The following IL1RAPL2 variants were observed in gnomAD, a reference collection of about 807,000 sequenced individuals.
IL1RAPL2 encodes the protein interleukin 1 receptor accessory protein like 2.
IL1RAPL2 carries 3 observed loss-of-function variants against 44.1 expected under a neutral mutation model. The observed-to-expected ratio is 0.07, with a 90% CI of 0.03 to 0.18. IL1RAPL2 has a LOEUF of 0.18. Ranked by LOEUF, IL1RAPL2 falls within the 10% of genes least tolerant of loss-of-function variation. IL1RAPL2 has a pLI of 1.00. For missense variants in IL1RAPL2, 391 were observed against 496.4 expected (o/e 0.79, Z 2.02); for synonymous variants, 181 against 178.8 (o/e 1.01, Z -0.10).
chrX:105,000,450 G>A (rs925278591), intron 2 of IL1RAPL2, among the ~76,000 whole-genome samples: 1 of 111,117 alleles, frequency 9.0e-6, no homozygotes, highest in Non-Finnish European at 1.9e-5. Flanking sequence ...CCTCTGCTAA[G>A]ATGATATGGA....
intron 2 of IL1RAPL2, among the ~76,000 whole-genome samples, chrX:104,796,497 T>C (rs185532244): frequency 8.9e-6 from 1 of 111,999 alleles, no homozygotes; most frequent in Admixed American, 9.4e-5. Context: ...AAAACAAACA[T>C]TCATGGGCTG....
At chrX:105,016,250 T>C (rs1454002727) in intron 2 of IL1RAPL2, among the ~76,000 whole-genome samples, 4 of 111,649 alleles carry the variant, frequency 3.6e-5, no homozygotes, top group Non-Finnish European at 7.5e-5. Flanking sequence ...GCAATCATGT[T>C]ATCTGGAAAC....
At chrX:105,033,324 G>T (rs957259775) in intron 2 of IL1RAPL2, among the ~76,000 whole-genome samples, 1 of 111,634 alleles carries the variant, frequency 9.0e-6, no homozygotes. Flanking sequence ...AGCCTTGATG[G>T]TCTTTACATT....
At chrX:105,444,021 G>A (rs2035938489) in intron 5 of IL1RAPL2, among the ~76,000 whole-genome samples, 1 of 111,904 alleles carries the variant, frequency 8.9e-6, no homozygotes, top group South Asian at 3.7e-4. Context: ...CCTGTCTTTT[G>A]GATGAAAGCC....
At chrX:105,295,246 G>A (rs1187207332) in intron 5 of IL1RAPL2, among the ~76,000 whole-genome samples, 7 of 111,562 alleles carry the variant, frequency 6.3e-5, no homozygotes, top group African/African-American at 2.3e-4. Context: ...GTAACATATG[G>A]AAAATGTTTG....
At chrX:105,256,675 A>G (rs777305208) in intron 4 of IL1RAPL2, among the ~76,000 whole-genome samples, 5 of 111,169 alleles carry the variant, frequency 4.5e-5, no homozygotes, top group Middle Eastern at 9.2e-3. Flanking sequence ...CAGGGATTCA[A>G]TTTCTTCCTG....
At chrX:104,910,335 C>G (rs1489557634) in intron 2 of IL1RAPL2, among the ~76,000 whole-genome samples, 2 of 112,309 alleles carry the variant, frequency 1.8e-5, no homozygotes, top group African/African-American at 6.5e-5. Flanking sequence ...GTGCTGGGAA[C>G]TGTAGACTGG....
chrX:105,082,021 T>C (rs2032415448), intron 2 of IL1RAPL2, among the ~76,000 whole-genome samples: 1 of 112,030 alleles, frequency 8.9e-6, no homozygotes, highest in Admixed American at 9.5e-5. Context: ...CCTCTTTTTC[T>C]ATTTGTTGGA....
chrX:104,740,730 T>A (rs1296340360), intron 2 of IL1RAPL2, among the ~76,000 whole-genome samples: 5 of 111,793 alleles, frequency 4.5e-5, no homozygotes, highest in South Asian at 3.7e-4. Context: ...TGATTTTTTT[T>A]ATATAAAATA....
At chrX:104,886,660 C>A (rs1320933997) in intron 2 of IL1RAPL2, among the ~76,000 whole-genome samples, 3 of 112,163 alleles carry the variant, frequency 2.7e-5, no homozygotes, top group Non-Finnish European at 5.6e-5. Context: ...CCAGAGGAAG[C>A]AGAATGGTTC....
chrX:105,373,086 A>AGT (rs1478720915), intron 5 of IL1RAPL2, among the ~76,000 whole-genome samples: 1 of 112,769 alleles, frequency 8.9e-6, no homozygotes, highest in Non-Finnish European at 1.9e-5. Flanking sequence ...TCTTTGAGTA[A>AGT]GTGTCACACT....
At chrX:105,044,829 C>G (rs1365687262) in intron 2 of IL1RAPL2, among the ~76,000 whole-genome samples, 6 of 110,883 alleles carry the variant, frequency 5.4e-5, no homozygotes, top group Non-Finnish European at 1.1e-4. Flanking sequence ...AACAGTAGGC[C>G]CAGCTGAGGA....
chrX:104,661,662 G>C (rs1930402977), intron 2 of IL1RAPL2, among the ~76,000 whole-genome samples: 3 of 108,003 alleles, frequency 2.8e-5, no homozygotes, highest in South Asian at 8.1e-4. Flanking sequence ...CATTATCATA[G>C]TGCTATTTGA....
At chrX:104,959,240 C>T (rs1300462772) in intron 2 of IL1RAPL2, among the ~76,000 whole-genome samples, 1 of 111,440 alleles carries the variant, frequency 9.0e-6, no homozygotes, top group Admixed American at 9.6e-5. Context: ...GATGCCCATT[C>T]GTGTTAGCCT....
chrX:104,902,024 A>AT (rs1923832355), intron 2 of IL1RAPL2, among the ~76,000 whole-genome samples: 1 of 111,719 alleles, frequency 9.0e-6, no homozygotes, highest in Non-Finnish European at 1.9e-5. Context: ...ATTCCTTTTT[A>AT]TTTTTTGTTT....
At chrX:105,634,765 C>A in intron 6 of IL1RAPL2, among the ~76,000 whole-genome samples, 1 of 111,093 alleles carries the variant, frequency 9.0e-6, no homozygotes, top group Non-Finnish European at 1.9e-5. Flanking sequence ...ATAGTAGTAA[C>A]AACAACAGTA....
intron 2 of IL1RAPL2, among the ~76,000 whole-genome samples, chrX:105,164,861 C>T (rs1355521922): frequency 8.9e-6 from 1 of 112,091 alleles, no homozygotes; most frequent in Non-Finnish European, 1.9e-5. Context: ...AGAGATTAAA[C>T]ACGTCATTTT....
intron 2 of IL1RAPL2, among the ~76,000 whole-genome samples, chrX:104,882,241 T>C (rs982299502): frequency 8.9e-6 from 1 of 112,239 alleles, no homozygotes; most frequent in Admixed American, 9.4e-5. Flanking sequence ...TTTAAAGCCT[T>C]TTAAGAAGAA....
At chrX:105,209,065 A>G (rs1376735753) in intron 3 of IL1RAPL2, among the ~76,000 whole-genome samples, 1 of 111,818 alleles carries the variant, frequency 8.9e-6, no homozygotes, top group Non-Finnish European at 1.9e-5. Flanking sequence ...CAGGAAGGCA[A>G]TTTTACGAGG....
Sources: gnomAD v4.1 joint callset for allele counts (sites outside exome capture counted in the v4.1 genomes callset) on GRCh38, gnomAD v4.1.1 for gene constraint, MANE v1.5 for transcripts, NCBI Gene and HGNC (gene_info 2026-07-23, HGNC 2026-07-21) for gene names.